The following MLLT3 variants were observed in gnomAD, a reference collection of about 807,000 sequenced individuals.
The protein encoded by MLLT3 is protein AF-9.
Under a neutral mutation model 53.2 loss-of-function variants are expected in MLLT3, and 4 were observed. The ratio of observed to expected loss-of-function variants is 0.08; its 90% confidence interval spans 0.04 to 0.17. MLLT3 has a LOEUF of 0.17. Ranked by LOEUF, MLLT3 falls within the 10% of genes least tolerant of loss-of-function variation. MLLT3 has a pLI of 1.00. For synonymous variants in MLLT3, 283 were observed against 230.6 expected (o/e 1.23, Z -2.06); for missense variants, 569 against 684.0 (o/e 0.83, Z 1.87).
chr9:20,370,361 G>C (rs572638083), intron 5 of MLLT3, among the ~76,000 whole-genome samples: 1 of 152,200 alleles, frequency 6.6e-6, no homozygotes, highest in East Asian at 1.9e-4. Context: ...AATCAATGTT[G>C]TGTATCTCTA....
At chr9:20,470,493 TAAGTAA>T (rs1824361679) in intron 2 of MLLT3, among the ~76,000 whole-genome samples, 1 of 152,032 alleles carries the variant, frequency 6.6e-6, no homozygotes, top group African/African-American at 2.4e-5. Context: ...GCTAATGAAC[TAAGTAA>T]ATCATGTGAA....
chr9:20,481,697 G>A (rs890167118), intron 2 of MLLT3, among the ~76,000 whole-genome samples: 1 of 152,098 alleles, frequency 6.6e-6, no homozygotes, highest in African/African-American at 2.4e-5. Context: ...TTCAATCAAT[G>A]ACATATCACC....
At chr9:20,615,018 C>G (rs545787558) in intron 2 of MLLT3, among the ~76,000 whole-genome samples, 2 of 152,262 alleles carry the variant, frequency 1.3e-5, no homozygotes, top group South Asian at 4.1e-4. Context: ...ATATAAAAGA[C>G]TTCTGCATAA....
intron 2 of MLLT3, among the ~76,000 whole-genome samples, chr9:20,598,041 A>G (rs1355716076): frequency 1.3e-5 from 2 of 152,212 alleles, no homozygotes; most frequent in Non-Finnish European, 2.9e-5. Flanking sequence ...AACAAACCAC[A>G]ATTTGTGCCA....
chr9:20,401,833 A>G (rs1822464467), intron 5 of MLLT3, among the ~76,000 whole-genome samples: 2 of 152,220 alleles, frequency 1.3e-5, no homozygotes, highest in Non-Finnish European at 2.9e-5. Context: ...TGTTAGAAGA[A>G]TAAGAGGATA....
intron 2 of MLLT3, among the ~76,000 whole-genome samples, chr9:20,560,902 T>G (rs1443249987): frequency 6.6e-6 from 1 of 152,168 alleles, no homozygotes; most frequent in Non-Finnish European, 1.5e-5. Flanking sequence ...ATGCTTATCA[T>G]TTCTACGTAT....
chr9:20,384,059 ACT>A (rs1020526239), intron 5 of MLLT3, among the ~76,000 whole-genome samples: 1 of 151,940 alleles, frequency 6.6e-6, no homozygotes, highest in African/African-American at 2.4e-5. Flanking sequence ...GGGCCCTAAG[ACT>A]CTCAAGAAAA....
chr9:20,470,992 A>G (rs1663012957), intron 2 of MLLT3, among the ~76,000 whole-genome samples: 1 of 152,026 alleles, frequency 6.6e-6, no homozygotes, highest in Admixed American at 6.6e-5. Flanking sequence ...TGATTTATTT[A>G]ACACCTTTCA....
intron 5 of MLLT3, among the ~76,000 whole-genome samples, chr9:20,388,661 A>C (rs573163183): frequency 8.5e-5 from 13 of 152,304 alleles, no homozygotes; most frequent in African/African-American, 3.1e-4. Flanking sequence ...AAAACAAAGA[A>C]TAAACAGGAA....
At chr9:20,378,494 T>C (rs569103630) in intron 5 of MLLT3, among the ~76,000 whole-genome samples, 64 of 152,036 alleles carry the variant, frequency 4.2e-4, no homozygotes, top group Non-Finnish European at 6.5e-4. Flanking sequence ...GAGTTCCTTA[T>C]TGAAGAAGAG....
chr9:20,483,241 ATTTTTTT>A (rs201384457), intron 2 of MLLT3, among the ~76,000 whole-genome samples: 8 of 148,842 alleles, frequency 5.4e-5, no homozygotes, highest in Admixed American at 2.0e-4. Flanking sequence ...TATTATTATT[ATTTTTTT>A]TTTTGAGACA....
intron 10 of MLLT3, 23 bp downstream of exon 10, chr9:20,353,502 T>A: frequency 1.2e-6 from 2 of 1,605,918 alleles, no homozygotes; most frequent in Non-Finnish European, 1.7e-6. Flanking sequence ...CTGGAAAGGG[T>A]TGTGCTAAAA....
chr9:20,416,446 T>C (rs1245079208), intron 4 of MLLT3, among the ~76,000 whole-genome samples: 1 of 152,032 alleles, frequency 6.6e-6, no homozygotes, highest in Non-Finnish European at 1.5e-5. Context: ...AAAATAAAAC[T>C]TCTGTATAGA....
chr9:20,515,563 G>A (rs1470333640), intron 2 of MLLT3, among the ~76,000 whole-genome samples: 1 of 152,180 alleles, frequency 6.6e-6, no homozygotes, highest in Non-Finnish European at 1.5e-5. Flanking sequence ...GCCAGAGACT[G>A]TGAGATCATT....
At chr9:20,515,565 G>A (rs576737455) in intron 2 of MLLT3, among the ~76,000 whole-genome samples, 152 of 152,276 alleles carry the variant, frequency 1.0e-3, no homozygotes, top group African/African-American at 3.6e-3. Context: ...CAGAGACTGT[G>A]AGATCATTAG....
chr9:20,593,504 A>C lies in MLLT3; in HGVS notation c.193+27150T>G, dbSNP rs138530104. On this transcript the variant is annotated intron_variant, in intron 2 of 10. Transcript: ENST00000380338. ...TTATACAAATAATCACGCCAAGTAT[A>C]ATAAAGCAGATCAGTTTTACCATGA... 5.6e-3 allele frequency among the ~76,000 whole-genome samples: 850 copies of C among 152,378 alleles called. 10 individuals are homozygous for C. The highest frequency in any genetic ancestry group is 0.031 in the Admixed American group (479 of 15,308).
chr9:20,572,073 T>C (rs1819545329), intron 2 of MLLT3, among the ~76,000 whole-genome samples: 1 of 152,210 alleles, frequency 6.6e-6, no homozygotes, highest in Non-Finnish European at 1.5e-5. Flanking sequence ...GACACATGGA[T>C]GAACCTAGAG....
chr9:20,353,632 C>T (rs1821092346), intron 9 of MLLT3, 36 bp from the exon 10 acceptor site: 17 of 1,540,214 alleles, frequency 1.1e-5, no homozygotes, highest in Non-Finnish European at 1.5e-5. Context: ...AGGACAAGCA[C>T]TTTAAGTAGT....
intron 2 of MLLT3, among the ~76,000 whole-genome samples, chr9:20,462,583 C>A (rs564895695): frequency 6.6e-6 from 1 of 152,208 alleles, no homozygotes; most frequent in Non-Finnish European, 1.5e-5. Context: ...AGGCCTGACT[C>A]AATAGCACCA....
Sources: allele counts gnomAD v4.1 joint callset (sites outside exome capture counted in the v4.1 genomes callset), GRCh38; gene constraint gnomAD v4.1.1; transcripts MANE v1.5; gene names NCBI Gene and HGNC (gene_info 2026-07-23, HGNC 2026-07-21).